Variants in FAM83B observed in about 807,000 individuals in gnomAD.
The protein encoded by FAM83B is protein FAM83B.
FAM83B carries 26 observed loss-of-function variants against 38.8 expected under a neutral mutation model. The observed-to-expected ratio is 0.67, with a 90% CI of 0.49 to 0.93. The LOEUF (loss-of-function observed/expected upper bound fraction) is 0.93. Ranked by LOEUF, FAM83B falls within the 40% of genes least tolerant of loss-of-function variation. The pLI is 0.00. For missense variants in FAM83B, 1,237 were observed against 1,197.3 expected (o/e 1.03, Z -0.49); for synonymous variants, 419 against 423.1 (o/e 0.99, Z 0.12).
chr6:54,885,677 T>G (rs1772257402), intron 2 of FAM83B, among the ~76,000 whole-genome samples: 1 of 152,072 alleles, frequency 6.6e-6, no homozygotes, highest in South Asian at 2.1e-4. Context: ...AAACAATACT[T>G]GCTATACAAA....
intron 2 of FAM83B, among the ~76,000 whole-genome samples, chr6:54,910,617 C>CT (rs1397091090): frequency 2.0e-5 from 3 of 152,296 alleles, no homozygotes; most frequent in East Asian, 3.9e-4. Flanking sequence ...TCCCTCACTC[C>CT]TTGAGTGCCA....
At chr6:54,917,859 C>T (rs1419565447) in intron 2 of FAM83B, among the ~76,000 whole-genome samples, 1 of 152,098 alleles carries the variant, frequency 6.6e-6, no homozygotes, top group Admixed American at 6.6e-5. Flanking sequence ...TACGTATCCA[C>T]CCGAAGCCCT....
chr6:54,934,035 C>T (rs1006832288), intron 4 of FAM83B, among the ~76,000 whole-genome samples: 1 of 152,142 alleles, frequency 6.6e-6, no homozygotes, highest in East Asian at 1.9e-4. Flanking sequence ...TCTGGGTGCT[C>T]TATCTTTTCA....
At chr6:54,862,298 C>G (rs1258136270) in intron 1 of FAM83B, among the ~76,000 whole-genome samples, 1 of 152,130 alleles carries the variant, frequency 6.6e-6, no homozygotes, top group Non-Finnish European at 1.5e-5. Flanking sequence ...GGGCTGAGCA[C>G]AGTGGGTCAC....
At chr6:54,870,144 C>T (rs992510499) in intron 1 of FAM83B, 43 bp from the exon 2 acceptor site, 18 of 884,798 alleles carry the variant, frequency 2.0e-5, no homozygotes, top group African/African-American at 1.2e-4. Flanking sequence ...ATTCTGTTAC[C>T]GAATTTTAAC....
chr6:54,856,272 G>A (rs541414870), intron 1 of FAM83B, among the ~76,000 whole-genome samples: 2 of 152,248 alleles, frequency 1.3e-5, no homozygotes, highest in African/African-American at 4.8e-5. Flanking sequence ...ATACCATGTG[G>A]CCAAGTCGTC....
At chr6:54,902,859 C>T (rs1772693573) in intron 2 of FAM83B, among the ~76,000 whole-genome samples, 1 of 152,132 alleles carries the variant, frequency 6.6e-6, no homozygotes, top group African/African-American at 2.4e-5. Context: ...GGTTCTTTAG[C>T]TTTTAGGAGT....
intron 2 of FAM83B, among the ~76,000 whole-genome samples, chr6:54,881,889 A>T (rs1180029974): frequency 1.3e-5 from 2 of 152,172 alleles, no homozygotes; most frequent in Non-Finnish European, 2.9e-5. Flanking sequence ...CATTAGGCAT[A>T]TCTCCTAATG....
At position 54,940,431 on chromosome 6, in the gene FAM83B, C is replaced by A. The variant is rs763351555; in HGVS notation, c.1460C>A (p.Thr487Asn). Reference sequence around the variant, plus strand: ...CAACGAATGCCAACCCTTGAACATACCACAAAGTCATTCCTACGTAACTGG... The same window carrying A: ...CAACGAATGCCAACCCTTGAACATAACACAAAGTCATTCCTACGTAACTGG... ...LQQRMPTLEH[T>N]TKSFLRNWRI... is the part of the protein sequence containing the mutation. The change falls in exon 5 of 5, where the codon ACC becomes AAC. Residue 487 changes from threonine to asparagine, a missense_variant. Coordinates refer to ENST00000306858, the MANE Select transcript of FAM83B (RefSeq NM_001010872.3). 1.2e-6 allele frequency: 2 copies of A among 1,614,038 alleles called. No homozygotes were observed. Among genetic ancestry groups the A allele is most frequent in the Non-Finnish European group, 1.7e-6 (2 of 1,180,014 alleles).
At chr6:54,917,908 G>A (rs1047710738) in intron 2 of FAM83B, among the ~76,000 whole-genome samples, 1 of 152,088 alleles carries the variant, frequency 6.6e-6, no homozygotes, top group Non-Finnish European at 1.5e-5. Context: ...CATATCAGAT[G>A]TATCTGTTTT....
chr6:54,890,106 A>G (rs1278916326), intron 2 of FAM83B, among the ~76,000 whole-genome samples: 1 of 152,126 alleles, frequency 6.6e-6, no homozygotes, highest in Non-Finnish European at 1.5e-5. Context: ...GCTATTCTAG[A>G]AAATAATTGT....
At chr6:54,846,911 G>GGGGT (rs1561900414) in intron 1 of FAM83B, 85 bp downstream of exon 1, 1 of 152,168 alleles carries the variant, frequency 6.6e-6, no homozygotes, top group African/African-American at 2.4e-5. Flanking sequence ...GGGGTACTGG[G>GGGGT]GGGGCCCGGG....
intron 2 of FAM83B, among the ~76,000 whole-genome samples, chr6:54,883,311 T>C (rs982978864): frequency 6.7e-6 from 1 of 149,064 alleles, no homozygotes; most frequent in Non-Finnish European, 1.5e-5. Context: ...GACCCATGAT[T>C]TTTTAGTGAT....
chr6:54,847,402 C>T (rs148176322), intron 1 of FAM83B, among the ~76,000 whole-genome samples: 4 of 148,528 alleles, frequency 2.7e-5, no homozygotes, highest in African/African-American at 1.0e-4. Flanking sequence ...TACAGGATCC[C>T]GTTTCTGAGT....
chr6:54,913,160 G>A (rs186766582), intron 2 of FAM83B, among the ~76,000 whole-genome samples: 10 of 152,132 alleles, frequency 6.6e-5, no homozygotes, highest in African/African-American at 2.4e-4. Flanking sequence ...GGAATAGGAA[G>A]TTTTGTTTTG....
chr6:54,914,269 T>C (rs1421595252), intron 2 of FAM83B, among the ~76,000 whole-genome samples: 2 of 152,188 alleles, frequency 1.3e-5, no homozygotes, highest in East Asian at 3.9e-4. Context: ...TTGTATAACA[T>C]TGCTGCTAGA....
At chr6:54,906,255 C>T (rs761852648) in intron 2 of FAM83B, among the ~76,000 whole-genome samples, 5 of 152,066 alleles carry the variant, frequency 3.3e-5, no homozygotes, top group Non-Finnish European at 7.4e-5. Context: ...ACAAAAGTGC[C>T]AGAATCTGTG....
chr6:54,865,124 C>G (rs1380371600), intron 1 of FAM83B, among the ~76,000 whole-genome samples: 1 of 152,104 alleles, frequency 6.6e-6, no homozygotes, highest in Non-Finnish European at 1.5e-5. Flanking sequence ...GCAGCTGTAA[C>G]GAAGTACCAA....
At position 54,921,820 on chromosome 6, in the gene FAM83B, T is replaced by A. The variant is rs564253816; in HGVS notation, c.445-4551T>A. 3.9e-5 allele frequency among the ~76,000 whole-genome samples: 6 copies of A among 152,070 alleles called. No individual in the cohort carries two copies. The South Asian group carries it at 1.0e-3, about 26-fold the overall frequency. On this transcript the variant is annotated intron_variant, in intron 2 of 4. Coordinates refer to ENST00000306858, the MANE Select transcript of FAM83B (RefSeq NM_001010872.3). ...TTTTGATAACTAACCAAGCATGTAATAATTTCAGATCAGATTTGGCATACC... is the reference window on the plus strand; with the variant it reads ...TTTTGATAACTAACCAAGCATGTAAAAATTTCAGATCAGATTTGGCATACC...
Sources: allele counts gnomAD v4.1 joint callset (sites outside exome capture counted in the v4.1 genomes callset), GRCh38; gene constraint gnomAD v4.1.1; transcripts MANE v1.5; gene names NCBI Gene and HGNC (gene_info 2026-07-23, HGNC 2026-07-21).